Variants in TNKS observed in about 807,000 individuals in gnomAD.
TNKS encodes the protein poly [ADP-ribose] polymerase tankyrase-1.
A neutral mutation model predicts 135.8 loss-of-function variants in TNKS; 72 were observed. That is an observed-to-expected ratio of 0.53 (90% CI 0.44 to 0.64). The LOEUF (loss-of-function observed/expected upper bound fraction) is 0.64, where lower values mean the gene tolerates loss of function less well. Among genes scored for constraint, TNKS ranks in the 30% least tolerant of loss-of-function variants. The pLI is 0.00. For missense variants in TNKS, 1,769 were observed against 1,674.0 expected, an observed-to-expected ratio of 1.06 and a Z score of -0.99; for synonymous variants, 849 against 649.3, an observed-to-expected ratio of 1.31 and a Z score of -4.68.
At chr8:9,767,724 C>G (rs1158049535) in intron 25 of TNKS, among the ~76,000 whole-genome samples, 1 of 152,000 alleles carries the variant, frequency 6.6e-6, no homozygotes, top group East Asian at 1.9e-4. Flanking sequence ...CTTTGGGAGG[C>G]CGAGGCGGGC....
Position 9,623,300 on chromosome 8 carries a change from G to C in TNKS, c.994+7623G>C, listed in dbSNP as rs577550372. On this transcript the variant is annotated intron_variant, in intron 3 of 26. Coordinates refer to ENST00000310430, the MANE Select transcript of TNKS (RefSeq NM_003747.3). Reference sequence around the variant, plus strand: ...GTGTTTGATCTATTGATAGGTAAGAGGTAGATCAAATAATGTCAATAGACC... The same window carrying C: ...GTGTTTGATCTATTGATAGGTAAGACGTAGATCAAATAATGTCAATAGACC... Among the ~76,000 whole-genome samples the C allele has an allele frequency of 1.9e-3, 286 of 152,294 alleles. 1 individual carries two copies. Among genetic ancestry groups the C allele is most frequent in the African/African-American group, 6.6e-3 (274 of 41,564 alleles).
chr8:9,764,890 T>C, intron 23 of TNKS, 100 bp downstream of exon 23: 1 of 905,294 alleles, frequency 1.1e-6, no homozygotes, highest in Non-Finnish European at 1.6e-6. Flanking sequence ...ATTTTCAAAC[T>C]GTGAAAGATA....
At chr8:9,767,342 A>C (rs1807514964) in intron 25 of TNKS, among the ~76,000 whole-genome samples, 1 of 152,162 alleles carries the variant, frequency 6.6e-6, no homozygotes, top group African/African-American at 2.4e-5. Flanking sequence ...GGCAATGAAA[A>C]AATACAAAAG....
chr8:9,750,175 A>G (rs1366162523), intron 18 of TNKS, among the ~76,000 whole-genome samples: 2 of 152,172 alleles, frequency 1.3e-5, no homozygotes, highest in African/African-American at 4.8e-5. Context: ...TTGAGGTAAT[A>G]TATCTGTACC....
intron 20 of TNKS, among the ~76,000 whole-genome samples, chr8:9,755,154 T>C (rs1346690933): frequency 6.6e-6 from 1 of 152,242 alleles, no homozygotes; most frequent in Non-Finnish European, 1.5e-5. Context: ...ATTTTATGTG[T>C]TCTTTTTAAA....
Position 9,751,856 on chromosome 8 carries a change from C to G in TNKS, c.3070+10C>G. 6.2e-7 allele frequency: 1 copy of G among 1,610,544 alleles called. No individual in the cohort carries two copies. The highest frequency in any genetic ancestry group is 8.5e-7 in the Non-Finnish European group (1 of 1,176,872). ...AGGAAGGAAGGAGAAGGTGAGTAGA[C>G]CCCATGAATGCTTATTTATTTATAC... On this transcript the variant is annotated intron_variant, in intron 19 of 26. Transcript: ENST00000310430.
chr8:9,655,152 A>G (rs1801305035), intron 3 of TNKS, among the ~76,000 whole-genome samples: 1 of 152,170 alleles, frequency 6.6e-6, no homozygotes. Context: ...TTGCTAGCCC[A>G]GCAGTCTGAG....
intron 1 of TNKS, among the ~76,000 whole-genome samples, chr8:9,563,994 C>T (rs992386219): frequency 2.6e-5 from 4 of 152,138 alleles, no homozygotes; most frequent in South Asian, 2.1e-4. Context: ...CAGCTCTGGC[C>T]TAGAATAGAT....
Position 9,777,082 on chromosome 8 carries a change from ACATTT to A in TNKS, c.*347_*351del. On this transcript the variant is annotated 3_prime_UTR_variant, in exon 27 of 27. Transcript: ENST00000310430. ...TTCAAATGTTCACAATTCACACACT[ACATTT>A]GTTTTGTTATGCATGACGTGTCTAT... 4.0e-6 allele frequency: 1 copy of A among 252,008 alleles called. No individual in the cohort carries two copies. Among genetic ancestry groups the A allele is most frequent in the Non-Finnish European group, 7.7e-6 (1 of 129,098 alleles). 15.6% of individuals were successfully genotyped at this position (252,008 alleles called of 1,614,324 possible).
At chr8:9,746,681 A>T (rs1310702721) in intron 17 of TNKS, among the ~76,000 whole-genome samples, 1 of 152,066 alleles carries the variant, frequency 6.6e-6, no homozygotes, top group Non-Finnish European at 1.5e-5. Context: ...CCCCAGCCCC[A>T]GTCCTCAGCC....
At chr8:9,679,339 C>T (rs951026472) in intron 3 of TNKS, among the ~76,000 whole-genome samples, 2 of 151,994 alleles carry the variant, frequency 1.3e-5, no homozygotes, top group Non-Finnish European at 1.5e-5. Context: ...TTTGGAGCAC[C>T]GCCTCCAAGA....
At chr8:9,638,578 GAGAAT>G (rs1196807969) in intron 3 of TNKS, among the ~76,000 whole-genome samples, 1 of 152,204 alleles carries the variant, frequency 6.6e-6, no homozygotes. Context: ...TGAAAGAAAA[GAGAAT>G]AGGAGAAATT....
At chr8:9,681,164 TTTC>T (rs1341207927) in intron 5 of TNKS, 119 of 161,352 alleles carry the variant, frequency 7.4e-4, no homozygotes, top group African/African-American at 2.8e-3. Context: ...GTGTTTTTGA[TTTC>T]TTATTTGGCA....
At chr8:9,760,329 C>A (rs114792542) in intron 20 of TNKS, among the ~76,000 whole-genome samples, 1,661 of 152,148 alleles carry the variant, frequency 0.011, 13 homozygotes, top group African/African-American at 0.023. Flanking sequence ...GCTTAAATGG[C>A]CACTTAGAAG....
intron 2 of TNKS, among the ~76,000 whole-genome samples, chr8:9,597,564 T>C (rs993145509): frequency 4.6e-5 from 7 of 152,236 alleles, no homozygotes; most frequent in African/African-American, 1.7e-4. Flanking sequence ...GTGGAGATAT[T>C]GCATATAGGA....
chr8:9,659,788 G>C (rs968714659), intron 3 of TNKS, among the ~76,000 whole-genome samples: 3 of 152,156 alleles, frequency 2.0e-5, no homozygotes, highest in Non-Finnish European at 4.4e-5. Flanking sequence ...AAAAATCAAT[G>C]AATCCAGGAG....
In TNKS at chr8:9,780,706, C is replaced by G. The variant is rs1362526716; in HGVS notation, c.*3970C>G. 1 of 152,160 alleles carries G rather than the reference C, an allele frequency of 6.6e-6. No individual in the cohort carries two copies. The highest frequency in any genetic ancestry group is 6.5e-5 in the Admixed American group (1 of 15,270). 9.4% of individuals were successfully genotyped at this position (152,160 alleles called of 1,614,324 possible). On this transcript the variant is annotated 3_prime_UTR_variant, in exon 27 of 27. Transcript: ENST00000310430. The stretch of plus-strand genomic sequence containing the variant: ...ATTTTAATAAATAAAACATTGTAGT[C>G]CCATTTCTTAGTGTTTGAAAGGTGT...
At chr8:9,727,969 G>T (rs1314865162) in intron 13 of TNKS, among the ~76,000 whole-genome samples, 1 of 152,060 alleles carries the variant, frequency 6.6e-6, no homozygotes, top group Admixed American at 6.6e-5. Flanking sequence ...TCTAATAAAA[G>T]AAAATTCTTA....
chr8:9,648,857 C>G lies in TNKS; in HGVS notation c.995-31094C>G, dbSNP rs143027037. 1.5e-3 allele frequency among the ~76,000 whole-genome samples: 235 copies of G among 151,936 alleles called. 1 individual carries two copies. Among genetic ancestry groups the G allele is most frequent in the Admixed American group, 0.013 (197 of 15,258 alleles). On this transcript the variant is annotated intron_variant, in intron 3 of 26. Transcript: ENST00000310430. The stretch of plus-strand genomic sequence containing the variant: ...AGAATGTCTCATCTTGGGGAAAACA[C>G]CATTGCGATGACAGAGGGGTCTGTT...
Sources: allele counts gnomAD v4.1 joint callset (sites outside exome capture counted in the v4.1 genomes callset), GRCh38; gene constraint gnomAD v4.1.1; transcripts MANE v1.5; gene names NCBI Gene and HGNC (gene_info 2026-07-23, HGNC 2026-07-21).